The following ENKD1 variants were observed in gnomAD, a reference collection of about 807,000 sequenced individuals.
ENKD1 encodes the protein enkurin domain containing 1.
A neutral mutation model predicts 35.8 loss-of-function variants in ENKD1; 39 were observed. The observed-to-expected ratio is 1.09, with a 90% CI of 0.84 to 1.42. The LOEUF (loss-of-function observed/expected upper bound fraction) is 1.42. Among genes scored for constraint, ENKD1 ranks in the 40% most tolerant of loss-of-function variants. The pLI is 0.00. For synonymous variants in ENKD1, 205 were observed against 198.6 expected (o/e 1.03, Z -0.27); for missense variants, 474 against 471.3 (o/e 1.01, Z -0.05).
In ENKD1 at chr16:67,666,416, C is replaced by T; in HGVS notation, c.27G>A (p.Ser9=). The change falls in exon 1 of 7, where the codon TCG becomes TCA. Residue 9 remains serine, a synonymous_variant. Coordinates refer to ENST00000243878, the MANE Select transcript of ENKD1 (RefSeq NM_032140.3). The stretch of plus-strand genomic sequence containing the variant: ...GCGTCGGGTCTGGGGGGATGGGCCC[C>T]GAGATGCGGGACGGGCCCTCGCACA... MCEGPSRI[S]GPIPPDPTLC... 1.3e-6 allele frequency: 2 copies of T among 1,551,252 alleles called. No individual in the cohort carries two copies. The highest frequency in any genetic ancestry group is 1.7e-6 in the Non-Finnish European group (2 of 1,157,330).
rs778342079 is a variant in ENKD1 at position 67,663,259 on chromosome 16, G to C, written c.943C>G (p.Gln315Glu). ...LPAGADSLRA[Q>E]SHRAELDRKL... ...CGGTCCAGCTCAGCACGGTGGCTCTGGGCTCTCAGTGAGTCTGCCCCAGCA... is the reference window on the plus strand; with the variant it reads ...CGGTCCAGCTCAGCACGGTGGCTCTCGGCTCTCAGTGAGTCTGCCCCAGCA... Residue 315 changes from glutamine (Q) to glutamate (E), a missense_variant, in exon 7 of 7, where the codon CAG becomes GAG. Transcript: ENST00000243878. The C allele has an allele frequency of 6.2e-7, 1 of 1,613,792 alleles. No homozygotes were observed. Among genetic ancestry groups the C allele is most frequent in the Admixed American group, 1.7e-5 (1 of 60,016 alleles).
rs779581257 is a variant in ENKD1, at chr16:67,666,159, TC to T, written c.191del (p.Gly64GlufsTer23). 31 of 1,612,594 alleles carry T rather than the reference TC, an allele frequency of 1.9e-5. No individual in the cohort carries two copies. The Middle Eastern group carries it at 9.9e-4, about 51-fold the overall frequency. On this transcript the variant is annotated frameshift_variant, in exon 2 of 7. Coordinates refer to ENST00000243878, the MANE Select transcript of ENKD1 (RefSeq NM_032140.3). LOFTEE classifies it high-confidence loss of function. The part of the protein sequence containing the change: ...PRGPCIGPGA[G>X]EILERGQRGV... ...CGCGCTGGCCGCGCTCCAGGATCTC[TC>T]CGGCACCGGGACCGATGCAGGGGCC...
chr16:67,664,119 G>C (rs2053069666), intron 3 of ENKD1, 57 bp from the exon 4 acceptor site: 1 of 1,488,018 alleles, frequency 6.7e-7, no homozygotes. Flanking sequence ...GGCTCAAGCT[G>C]CAAGACCCTG....
Position 67,666,609 on chromosome 16 carries a change from G to C in ENKD1, c.-167C>G. The stretch of plus-strand genomic sequence containing the variant: ...CGGTCCCCGCCTGGGCCCCGGCCTC[G>C]CTCGCCACCTCCGCGACCTCTGCTC... On this transcript the variant is annotated 5_prime_UTR_variant, in exon 1 of 7. Transcript: ENST00000243878. The C allele has an allele frequency of 1.7e-6, 1 of 595,060 alleles. No homozygotes were observed. The highest frequency in any genetic ancestry group is 2.7e-6 in the Non-Finnish European group (1 of 368,940). 36.9% of individuals were successfully genotyped at this position (595,060 alleles called of 1,614,324 possible). A position where few individuals can be genotyped will look rare whatever the true frequency, so the allele number is the denominator to read the frequency against.
Position 67,666,574 on chromosome 16 carries a change from G to C in ENKD1, c.-132C>G. 2.3e-6 allele frequency: 2 copies of C among 867,916 alleles called. No homozygotes were observed. The highest frequency in any genetic ancestry group is 3.2e-6 in the Non-Finnish European group (2 of 615,444). The allele number at this position is 867,916 out of a possible 1,614,324, so 53.8% of individuals were successfully genotyped here. A position where few individuals can be genotyped will look rare whatever the true frequency, so the allele number is the denominator to read the frequency against. On this transcript the variant is annotated 5_prime_UTR_variant, in exon 1 of 7. Transcript: ENST00000243878. ...TGACCCTGGCGTGCCCGCCACTCCC[G>C]GGCCCCTGCCGGTCCCCGCCTGGGC...
chr16:67,663,247 C>G lies in ENKD1; in HGVS notation c.955G>C (p.Ala319Pro). ...ADSLRAQSHR[A>P]ELDRKLVQVE... Reference sequence around the variant, plus strand: ...TGCACCAGCTTCCGGTCCAGCTCAGCACGGTGGCTCTGGGCTCTCAGTGAG... The same window carrying G: ...TGCACCAGCTTCCGGTCCAGCTCAGGACGGTGGCTCTGGGCTCTCAGTGAG... The change falls in exon 7 of 7, where the codon GCT becomes CCT. Residue 319 changes from alanine (A) to proline (P), a missense_variant. Coordinates refer to ENST00000243878, the MANE Select transcript of ENKD1 (RefSeq NM_032140.3). 1 of 1,613,982 alleles carries G rather than the reference C, an allele frequency of 6.2e-7. No homozygotes were observed.
intron 2 of ENKD1, 51 bp downstream of exon 2, chr16:67,666,020 C>T: frequency 1.9e-6 from 3 of 1,573,414 alleles, no homozygotes; most frequent in South Asian, 2.3e-5. Context: ...CTTTTGATCT[C>T]TTTCCACCCC....
rs2053073968 is a variant in ENKD1, at chr16:67,664,484, C to A, written c.454-422G>T. 11 of 357,166 alleles carry A rather than the reference C, an allele frequency of 3.1e-5. 1 individual carries two copies. The highest frequency in any genetic ancestry group is 2.4e-4 in the South Asian group (11 of 45,266). 22.1% of individuals were successfully genotyped at this position (357,166 alleles called of 1,614,324 possible). A position where few individuals can be genotyped will look rare whatever the true frequency, so the allele number is the denominator to read the frequency against. On this transcript the variant is annotated intron_variant, in intron 3 of 6. Transcript: ENST00000243878. ...CATCTGCTTCCTGGACACACTCCCA[C>A]CCCCTGGGAACCCCACAGATGCTTC...
In ENKD1 at chr16:67,663,555, A is replaced by G. The variant is rs2053060077; in HGVS notation, c.745T>C (p.Leu249=). 6.2e-7 allele frequency: 1 copy of G among 1,611,556 alleles called. No individual in the cohort carries two copies. The highest frequency in any genetic ancestry group is 2.2e-5 in the East Asian group (1 of 44,850). ...ATQKGHVPHY[L]LERRDLWRRE... ...CGCCACAGGTCCCTGCGCTCCAACA[A>G]GCTGTGGGTACACAGGCTCAGAGTT... is the stretch of plus-strand genomic sequence containing the variant. The change falls in exon 6 of 7, where the codon TTG becomes CTG. Residue 249 remains leucine (L), a splice_region_variant and synonymous_variant. Coordinates refer to ENST00000243878, the MANE Select transcript of ENKD1 (RefSeq NM_032140.3).
rs2053108050 is a variant in ENKD1 at position 67,666,634 on chromosome 16, C to T, written c.-192G>A. On this transcript the variant is annotated 5_prime_UTR_variant, in exon 1 of 7. Coordinates refer to ENST00000243878, the MANE Select transcript of ENKD1 (RefSeq NM_032140.3). ...GCTCGCCACCTCCGCGACCTCTGCTCCCAGCCCACTTCTCGGTCCCGCTCG... is the reference window on the plus strand; with the variant it reads ...GCTCGCCACCTCCGCGACCTCTGCTTCCAGCCCACTTCTCGGTCCCGCTCG... 1.9e-6 allele frequency: 1 copy of T among 538,128 alleles called. No individual in the cohort carries two copies. The highest frequency in any genetic ancestry group is 3.1e-6 in the Non-Finnish European group (1 of 318,066). 33.3% of individuals were successfully genotyped at this position (538,128 alleles called of 1,614,324 possible).
Position 67,663,051 on chromosome 16 carries a change from C to A in ENKD1, c.*110G>T. On this transcript the variant is annotated 3_prime_UTR_variant, in exon 7 of 7. Transcript: ENST00000243878. ...AGTGCTCTAGGGACACTGGCCACCC[C>A]CCTGCTCCTGTCTTCAGACCTCTGC... The A allele has an allele frequency of 1.5e-6, 2 of 1,374,276 alleles. No individual in the cohort carries two copies. Among genetic ancestry groups the A allele is most frequent in the South Asian group, 1.4e-5 (1 of 73,098 alleles). 85.1% of individuals were successfully genotyped at this position (1,374,276 alleles called of 1,614,324 possible).
Position 67,663,656 on chromosome 16 carries a change from C to T in ENKD1, c.743+1G>A, listed in dbSNP as rs755981923. On this transcript the variant is annotated splice_donor_variant, in intron 5 of 6. Coordinates refer to ENST00000243878, the MANE Select transcript of ENKD1 (RefSeq NM_032140.3). LOFTEE classifies it high-confidence loss of function. The stretch of plus-strand genomic sequence containing the variant: ...CCTGAGTGTCGGGCAGTGAGACCTA[C>T]TAATGTGGCACATGGCCCTTCTGCG... 95 of 1,610,386 alleles carry T rather than the reference C, an allele frequency of 5.9e-5. 2 individuals carry two copies. The South Asian group carries it at 9.8e-4, about 17-fold the overall frequency.
In ENKD1 at chr16:67,664,817, G is replaced by A. The variant is rs1297770870; in HGVS notation, c.453+179C>T. The A allele has an allele frequency of 4.4e-6, 3 of 688,352 alleles. No homozygotes were observed. The East Asian group carries it at 8.8e-5, about 20-fold the overall frequency. 42.6% of individuals were successfully genotyped at this position (688,352 alleles called of 1,614,324 possible). On this transcript the variant is annotated intron_variant, in intron 3 of 6. Coordinates refer to ENST00000243878, the MANE Select transcript of ENKD1 (RefSeq NM_032140.3). ...TTGACTAATTGCTACTTGCCCTCAG[G>A]ATCAGCCCCACCATCACTACTTCTG...
At chr16:67,665,765 G>A (rs2053092127) in intron 2 of ENKD1, among the ~76,000 whole-genome samples, 1 of 152,300 alleles carries the variant, frequency 6.6e-6, no homozygotes, top group East Asian at 1.9e-4. Context: ...TTGACTCAGT[G>A]ATGGCTCATG....
rs2142986319 is a variant in ENKD1, at chr16:67,665,184, C to T, written c.281-16G>A. The T allele has an allele frequency of 6.2e-7, 1 of 1,605,532 alleles. No individual in the cohort carries two copies. Among genetic ancestry groups the T allele is most frequent in the East Asian group, 2.2e-5 (1 of 44,740 alleles). ...GGGTCCTTCCCTGGAGAAAAGATGC[C>T]CCCAGGTTCTGCCCTACATGGGGCC... On this transcript the variant is annotated splice_polypyrimidine_tract_variant and intron_variant, in intron 2 of 6. Transcript: ENST00000243878.
Position 67,666,134 on chromosome 16 carries a change from C to T in ENKD1, c.217G>A (p.Gly73Ser), listed in dbSNP as rs752776540. 39 of 1,612,710 alleles carry T rather than the reference C, an allele frequency of 2.4e-5. No individual in the cohort carries two copies. Among genetic ancestry groups the T allele is most frequent in the Middle Eastern group, 1.6e-4 (1 of 6,084 alleles). ...AGTTGCAACAGCACGTCCCCGACGC[C>T]GCGCTGGCCGCGCTCCAGGATCTCT... is the stretch of plus-strand genomic sequence containing the variant. Reference protein sequence around the residue: ...AGEILERGQRGVGDVLLQLEG... With the variant: ...AGEILERGQRSVGDVLLQLEG... Residue 73 changes from glycine (G) to serine (S), a missense_variant, in exon 2 of 7, where the codon GGC becomes AGC. Coordinates refer to ENST00000243878, the MANE Select transcript of ENKD1 (RefSeq NM_032140.3).
At chr16:67,665,522 A>G (rs2053089744) in intron 2 of ENKD1, among the ~76,000 whole-genome samples, 2 of 152,028 alleles carry the variant, frequency 1.3e-5, no homozygotes, top group Non-Finnish European at 2.9e-5. Context: ...CCACCATGCC[A>G]GCCTGATTTT....
Position 67,666,657 on chromosome 16 carries a change from TCGCGGCCTCTCCCC to T in ENKD1, c.-229_-216del. ...CTCCCAGCCCACTTCTCGGTCCCGCTCGCGGCCTCTCCCCCGCGGCACTCGGGCAGGGGCTCACT... is the reference window on the plus strand; with the variant it reads ...CTCCCAGCCCACTTCTCGGTCCCGCTCGCGGCACTCGGGCAGGGGCTCACT... On this transcript the variant is annotated 5_prime_UTR_variant, in exon 1 of 7. Transcript: ENST00000243878. 1 of 507,894 alleles carries T rather than the reference TCGCGGCCTCTCCCC, an allele frequency of 2.0e-6. No homozygotes were observed. The highest frequency in any genetic ancestry group is 3.4e-6 in the Non-Finnish European group (1 of 295,586). The allele number at this position is 507,894 out of a possible 1,614,324, so 31.5% of individuals were successfully genotyped here.
Position 67,666,249 on chromosome 16 carries a change from C to A in ENKD1, c.102G>T (p.Glu34Asp). ...GCAAGTCCAGCTTCAGCGCGTTTCC[C>A]TCGAGGCGCCCTTGAGCTGTGGGGC... is the stretch of plus-strand genomic sequence containing the variant. ...RRPTSAQGRLEGNALKLDLLT... is the reference protein window; with the variant it reads ...RRPTSAQGRLDGNALKLDLLT... Residue 34 changes from glutamate to aspartate, a missense_variant, in exon 2 of 7, where the codon GAG becomes GAT. Transcript: ENST00000243878. 1 of 1,604,394 alleles carries A rather than the reference C, an allele frequency of 6.2e-7. No homozygotes were observed. Among genetic ancestry groups the A allele is most frequent in the Non-Finnish European group, 8.5e-7 (1 of 1,175,122 alleles).
Sources: allele counts gnomAD v4.1 joint callset (sites outside exome capture counted in the v4.1 genomes callset), GRCh38; gene constraint gnomAD v4.1.1; transcripts MANE v1.5; gene names NCBI Gene and HGNC (gene_info 2026-07-23, HGNC 2026-07-21).